The following SPTB variants were observed in gnomAD, a reference collection of about 807,000 sequenced individuals.
The protein encoded by SPTB is spectrin beta, erythrocytic, also known as spectrin beta chain, erythrocytic.
A neutral mutation model predicts 256.2 loss-of-function variants in SPTB; 45 were observed. The observed-to-expected ratio is 0.18, with a 90% CI of 0.14 to 0.23. The LOEUF (loss-of-function observed/expected upper bound fraction) is 0.23. SPTB is among the 10% of genes least tolerant of loss of function. The pLI, the probability that SPTB is intolerant of heterozygous loss-of-function variation, is 1.00. For synonymous variants in SPTB, 1,231 were observed against 1,243.1 expected (o/e 0.99, Z 0.21); for missense variants, 2,715 against 3,040.4 (o/e 0.89, Z 2.52).
intron 32 of SPTB, chr14:64,763,923 G>A (rs1594749090): frequency 7.7e-6 from 4 of 516,396 alleles, no homozygotes; most frequent in Non-Finnish European, 1.5e-5. Context: ...GGGGAGGACT[G>A]GGGTGGGGTG....
At position 64,853,410 on chromosome 14, in the gene SPTB, T is replaced by C. The variant is rs1046244003; in HGVS notation, c.-52+26382A>G. 1.3e-5 allele frequency among the ~76,000 whole-genome samples: 2 copies of C among 152,044 alleles called. No individual in the cohort carries two copies. Among genetic ancestry groups the C allele is most frequent in the African/African-American group, 4.8e-5 (2 of 41,380 alleles). On this transcript the variant is annotated intron_variant, in intron 1 of 35. Transcript: ENST00000644917. The surrounding 1 kb of genome is among the most constrained non-coding windows in gnomAD (Gnocchi z 4.3). Reference sequence around the variant, plus strand: ...TCAAAGAACAAAGCAATTTAGGAGATAACCATATCAGGAAGCCTCAGGGGA... The same window carrying C: ...TCAAAGAACAAAGCAATTTAGGAGACAACCATATCAGGAAGCCTCAGGGGA...
intron 2 of SPTB, among the ~76,000 whole-genome samples, chr14:64,815,807 C>T (rs147428769): frequency 1.1e-3 from 166 of 152,306 alleles, no homozygotes; most frequent in Middle Eastern, 3.4e-3. Context: ...GGCTTCTGCT[C>T]AAACTGTCAG....
chr14:64,749,484 G>C lies in SPTB; in HGVS notation c.6820-11C>G. ...GGACAGCATCTCCTCCTGCGGGGCG[G>C]AGGGTCACGGTGGAGTCTGGAGGCC... On this transcript the variant is annotated splice_polypyrimidine_tract_variant and intron_variant, in intron 35 of 35. Coordinates refer to ENST00000644917, the MANE Select transcript of SPTB (RefSeq NM_001355436.2). The surrounding 1 kb of genome is among the most constrained non-coding windows in gnomAD (Gnocchi z 4.7). 6.3e-7 allele frequency: 1 copy of C among 1,598,944 alleles called. No homozygotes were observed. The highest frequency in any genetic ancestry group is 1.7e-4 in the Middle Eastern group (1 of 5,734).
chr14:64,802,025 C>A lies in SPTB; in HGVS notation c.567-191G>T, dbSNP rs918696060. ...AGATGTGAACACCACACAGACCCCCCAGTCTGCCTGCAGGCAACTTTGGAA... is the reference window on the plus strand; with the variant it reads ...AGATGTGAACACCACACAGACCCCCAAGTCTGCCTGCAGGCAACTTTGGAA... On this transcript the variant is annotated intron_variant, in intron 5 of 35. Transcript: ENST00000644917. This position sits in a 1 kb window ranked among gnomAD's most constrained non-coding sequence, Gnocchi z 5.1. Among the ~76,000 whole-genome samples, 3 of 152,216 alleles carry A rather than the reference C, an allele frequency of 2.0e-5. No homozygotes were observed. The highest frequency in any genetic ancestry group is 6.5e-5 in the Admixed American group (1 of 15,288).
chr14:64,802,283 C>T lies in SPTB; in HGVS notation c.509G>A (p.Arg170His), dbSNP rs745450272. The T allele has an allele frequency of 9.3e-6, 15 of 1,614,098 alleles. No individual in the cohort carries two copies. The East Asian group carries it at 1.8e-4, about 19-fold the overall frequency. Residue 170 changes from arginine to histidine, a missense_variant, in exon 5 of 36, where the codon CGT (arginine) becomes CAT (histidine). By Grantham distance (29) the Arg-to-His change is conservative. Transcript: ENST00000644917. The surrounding 1 kb of genome is among the most constrained non-coding windows in gnomAD (Gnocchi z 5.1). ...CGCATCCTTGGCTGAGCGTGTTTCA[C>T]GACCTTCCTGAGTTTGGACCACAAT... ...QDIVVQTQEG[R>H]ETRSAKDALL...
In SPTB at chr14:64,804,993, C is replaced by A. The variant is rs1169189080; in HGVS notation, c.246G>T (p.Leu82=). 5 of 1,614,086 alleles carry A rather than the reference C, an allele frequency of 3.1e-6. No homozygotes were observed. In the African/African-American group the frequency reaches 6.7e-5, roughly 22 times the overall value. The stretch of plus-strand genomic sequence containing the variant: ...GCTTGATGAGCATGCGCCCATCCCG[C>A]AGGTCCTTGTAGAGATCGGTGATGC... ...SCRITDLYKD[L]RDGRMLIKLL... The change falls in exon 3 of 36, where the codon CTG becomes CTT. Residue 82 remains leucine, a synonymous_variant. Coordinates refer to ENST00000644917, the MANE Select transcript of SPTB (RefSeq NM_001355436.2).
chr14:64,762,635 C>T (rs750277207), intron 32 of SPTB, among the ~76,000 whole-genome samples: 1 of 151,948 alleles, frequency 6.6e-6, no homozygotes, highest in Non-Finnish European at 1.5e-5. Flanking sequence ...TACGTTCAGC[C>T]CTAGCGAGAT....
At chr14:64,773,003 C>A in intron 25 of SPTB, 49 bp from the exon 26 acceptor site, 1 of 1,583,456 alleles carries the variant, frequency 6.3e-7, no homozygotes, top group Non-Finnish European at 8.6e-7. Context: ...ACAGGGGTTA[C>A]AGGTGTCACC....
chr14:64,838,378 T>C (rs974916548), intron 1 of SPTB, among the ~76,000 whole-genome samples: 8 of 152,184 alleles, frequency 5.3e-5, no homozygotes, highest in Non-Finnish European at 8.8e-5. Context: ...ACTAAAAGTA[T>C]AATCCATAAA....
chr14:64,775,117 G>T lies in SPTB; in HGVS notation c.4842+8C>A. 6.2e-7 allele frequency: 1 copy of T among 1,613,788 alleles called. No individual in the cohort carries two copies. Among genetic ancestry groups the T allele is most frequent in the South Asian group, 1.1e-5 (1 of 91,066 alleles). On this transcript the variant is annotated splice_region_variant and intron_variant, in intron 23 of 35. Coordinates refer to ENST00000644917, the MANE Select transcript of SPTB (RefSeq NM_001355436.2). This position sits in a 1 kb window ranked among gnomAD's most constrained non-coding sequence, Gnocchi z 5.0. ...GCACCCTGGCTGGTATCCCCTGCCC[G>T]AACAGACCTTGGGGATCTCATCGGA...
Position 64,796,804 on chromosome 14 carries a change from T to C in SPTB, c.1183-89A>G. On this transcript the variant is annotated intron_variant, in intron 10 of 35. Coordinates refer to ENST00000644917, the MANE Select transcript of SPTB (RefSeq NM_001355436.2). The surrounding 1 kb of genome is among the most constrained non-coding windows in gnomAD (Gnocchi z 4.1). Reference sequence around the variant, plus strand: ...ACCCCTTTCACCCAACACTGAGTGATTTCTGGAATCAAGGTACAGCCTGAT... The same window carrying C: ...ACCCCTTTCACCCAACACTGAGTGACTTCTGGAATCAAGGTACAGCCTGAT... The C allele has an allele frequency of 6.5e-7, 1 of 1,528,756 alleles. No homozygotes were observed. Among genetic ancestry groups the C allele is most frequent in the South Asian group, 1.1e-5 (1 of 88,864 alleles). The allele number at this position is 1,528,756 out of a possible 1,614,324, so 94.7% of individuals were successfully genotyped here. A position where few individuals can be genotyped will look rare whatever the true frequency, so the allele number is the denominator to read the frequency against.
chr14:64,824,382 AG>A lies in SPTB; in HGVS notation c.-51-1238del, dbSNP rs944750835. 4.2e-4 allele frequency among the ~76,000 whole-genome samples: 64 copies of A among 152,134 alleles called. No homozygotes were observed. Among genetic ancestry groups the A allele is most frequent in the African/African-American group, 1.5e-3 (62 of 41,424 alleles). On this transcript the variant is annotated intron_variant, in intron 1 of 35. Coordinates refer to ENST00000644917, the MANE Select transcript of SPTB (RefSeq NM_001355436.2). The surrounding 1 kb of genome is among the most constrained non-coding windows in gnomAD (Gnocchi z 5.7). ...GAACTTTAAGAAGTAACGGGAAGGC[AG>A]GGGTGGAGTCAGGGGAGAAAAGTGA...
At position 64,796,488 on chromosome 14, in the gene SPTB, G is replaced by A. The variant is rs1045918301; in HGVS notation, c.1341+69C>T. 1.0e-5 allele frequency: 16 copies of A among 1,602,544 alleles called. No individual in the cohort carries two copies. The Admixed American group carries it at 2.5e-4, about 25-fold the overall frequency. Reference sequence around the variant, plus strand: ...CTGTGAGAAGCCAGCTTGGACTCCAGCCCAGCCAAGAGCTGGGGGCTCTGA... The same window carrying A: ...CTGTGAGAAGCCAGCTTGGACTCCAACCCAGCCAAGAGCTGGGGGCTCTGA... On this transcript the variant is annotated intron_variant, in intron 11 of 35. Transcript: ENST00000644917. The surrounding 1 kb of genome is among the most constrained non-coding windows in gnomAD (Gnocchi z 4.1).
In SPTB at chr14:64,782,539, C is replaced by A; in HGVS notation, c.4017G>T (p.Leu1339=). The part of the protein sequence containing the change: ...LENIDAEGKQ[L]MDEKPQFTAL... ...CTGTAAACTGGGGCTTCTCATCCAT[C>A]AGCTGCTTTCCTTCCTAGGGGCAAG... Residue 1339 remains leucine (L), a synonymous_variant, in exon 20 of 36, where the codon CTG becomes CTT. Coordinates refer to ENST00000644917, the MANE Select transcript of SPTB (RefSeq NM_001355436.2). 6.2e-7 allele frequency: 1 copy of A among 1,613,934 alleles called. No individual in the cohort carries two copies. Among genetic ancestry groups the A allele is most frequent in the Non-Finnish European group, 8.5e-7 (1 of 1,180,048 alleles).
chr14:64,814,362 T>C (rs2083149038), intron 2 of SPTB, among the ~76,000 whole-genome samples: 1 of 152,238 alleles, frequency 6.6e-6, no homozygotes, highest in South Asian at 2.1e-4. Context: ...CACAGACCTA[T>C]ACAGTCATAC....
chr14:64,820,245 C>T (rs407270), intron 2 of SPTB, among the ~76,000 whole-genome samples: 2 of 152,152 alleles, frequency 1.3e-5, no homozygotes, highest in African/African-American at 2.4e-5. Context: ...GCCTAGGCTG[C>T]TAAGGTGGCC....
At chr14:64,857,151 C>T (rs1283343343) in intron 1 of SPTB, among the ~76,000 whole-genome samples, 1 of 152,134 alleles carries the variant, frequency 6.6e-6, no homozygotes, top group Admixed American at 6.5e-5. Context: ...TACCAGAGAA[C>T]TATTGCCATA....
At chr14:64,794,317 G>T in intron 13 of SPTB, 150 bp downstream of exon 13, 2 of 1,090,868 alleles carry the variant, frequency 1.8e-6, no homozygotes, top group Non-Finnish European at 1.3e-6. Context: ...AATTTGGCTG[G>T]TCCCTCAAGC....
At chr14:64,769,376 T>C (rs1167925330) in intron 28 of SPTB, among the ~76,000 whole-genome samples, 2 of 152,176 alleles carry the variant, frequency 1.3e-5, no homozygotes, top group Non-Finnish European at 2.9e-5. Flanking sequence ...ATGAGGCTGC[T>C]CTCCGTTACT....
Sources: allele counts gnomAD v4.1 joint callset (sites outside exome capture counted in the v4.1 genomes callset), GRCh38; gene constraint gnomAD v4.1.1; non-coding constraint Gnocchi (gnomAD v3.1); transcripts MANE v1.5; gene names NCBI Gene and HGNC (gene_info 2026-07-23, HGNC 2026-07-21).